Variants in HIVEP2 observed in about 807,000 individuals in gnomAD.
HIVEP2 encodes the protein transcription factor HIVEP2.
In HIVEP2, 14 loss-of-function variants were observed where a neutral mutation model predicts 180.7. That is an observed-to-expected ratio of 0.08 (90% confidence interval 0.05 to 0.12). The LOEUF (loss-of-function observed/expected upper bound fraction) is 0.12, where lower values mean the gene tolerates loss of function less well. Among genes scored for constraint, HIVEP2 ranks in the 10% least tolerant of loss-of-function variants. The pLI is 1.00. For missense variants in HIVEP2, 2,579 were observed against 3,008.5 expected (o/e 0.86, Z 3.34); for synonymous variants, 1,184 against 1,136.4 (o/e 1.04, Z -0.84).
intron 1 of HIVEP2, among the ~76,000 whole-genome samples, chr6:142,904,505 T>A (rs919087256): frequency 1.6e-4 from 25 of 152,176 alleles, no homozygotes; most frequent in Admixed American, 1.3e-3. Flanking sequence ...GTATCAGAGG[T>A]GAATGTGACA....
At position 142,769,910 on chromosome 6, in the gene HIVEP2, C is replaced by G. The variant is rs751452135; in HGVS notation, c.4829G>C (p.Arg1610Pro). 6.2e-7 allele frequency: 1 copy of G among 1,614,030 alleles called. No individual in the cohort carries two copies. The highest frequency in any genetic ancestry group is 1.7e-5 in the Admixed American group (1 of 60,028). ...GHKRPVGMLV[R>P]MASAPSGNVA... ...GTTCCCGCTGGGGGCAGAGGCCATGCGGACCAGCATGCCAACAGGCCGCTT... is the reference window on the plus strand; with the variant it reads ...GTTCCCGCTGGGGGCAGAGGCCATGGGGACCAGCATGCCAACAGGCCGCTT... Residue 1610 changes from arginine (R) to proline (P), a missense_variant, in exon 5 of 10, where the codon CGC (arginine) becomes CCC (proline). Transcript: ENST00000367603.
At chr6:142,803,855 C>A (rs1366489223) in intron 2 of HIVEP2, among the ~76,000 whole-genome samples, 1 of 152,066 alleles carries the variant, frequency 6.6e-6, no homozygotes, top group East Asian at 1.9e-4. Context: ...CTTCACACAC[C>A]CCTGACTCCT....
chr6:142,785,967 A>G (rs184595671), intron 2 of HIVEP2, among the ~76,000 whole-genome samples: 132 of 152,348 alleles, frequency 8.7e-4, no homozygotes, highest in African/African-American at 3.1e-3. Context: ...TATGATATCA[A>G]TTGCAGCGTT....
chr6:142,874,299 C>T (rs1056737129), intron 1 of HIVEP2, among the ~76,000 whole-genome samples: 1 of 152,132 alleles, frequency 6.6e-6, no homozygotes, highest in Non-Finnish European at 1.5e-5. Flanking sequence ...TTTCAAAACA[C>T]CATGATACCA....
chr6:142,842,609 T>C (rs946774517), intron 1 of HIVEP2, among the ~76,000 whole-genome samples: 2 of 152,220 alleles, frequency 1.3e-5, no homozygotes, highest in African/African-American at 2.4e-5. Flanking sequence ...TTCTCCACTT[T>C]CCTGAAGAAC....
intron 1 of HIVEP2, among the ~76,000 whole-genome samples, chr6:142,931,362 TC>T (rs559528836): frequency 1.3e-3 from 197 of 151,992 alleles, no homozygotes; most frequent in African/African-American, 4.6e-3. Flanking sequence ...ATATTCTGTA[TC>T]CCCATTTTTA....
chr6:142,941,637 A>C (rs1778182943), intron 1 of HIVEP2, among the ~76,000 whole-genome samples: 2 of 152,204 alleles, frequency 1.3e-5, no homozygotes, highest in African/African-American at 4.8e-5. Flanking sequence ...TGTATGGTTA[A>C]AGCAAATCCA....
At chr6:142,837,533 A>T (rs1342525512) in intron 1 of HIVEP2, among the ~76,000 whole-genome samples, 1 of 152,084 alleles carries the variant, frequency 6.6e-6, no homozygotes, top group African/African-American at 2.4e-5. Context: ...AAACATAAAA[A>T]TGGTCAAGAA....
intron 2 of HIVEP2, among the ~76,000 whole-genome samples, chr6:142,802,756 C>T (rs1325793748): frequency 2.0e-5 from 3 of 152,030 alleles, no homozygotes; most frequent in Non-Finnish European, 4.4e-5. Flanking sequence ...GAATCATGAA[C>T]AGATAGAATT....
chr6:142,894,130 C>T (rs370830143), intron 1 of HIVEP2, among the ~76,000 whole-genome samples: 41 of 152,248 alleles, frequency 2.7e-4, no homozygotes, highest in African/African-American at 9.4e-4. Context: ...AGTAGAGTTG[C>T]CATTTTAATA....
chr6:142,793,673 T>TTCTTTCTCTCTCTCTCTCTC (rs1289211652), intron 2 of HIVEP2, among the ~76,000 whole-genome samples: 6 of 107,512 alleles, frequency 5.6e-5, no homozygotes, highest in South Asian at 3.0e-4. Context: ...CTTTCTTTCT[T>TTCTTTCTCTCTCTCTCTCTC]TCTCTCTCTC....
At chr6:142,834,961 TC>T (rs1775187788) in intron 2 of HIVEP2, among the ~76,000 whole-genome samples, 1 of 85,580 alleles carries the variant, frequency 1.2e-5, no homozygotes. Flanking sequence ...ATGAAGTCCT[TC>T]CTTACCAAAA....
intron 1 of HIVEP2, among the ~76,000 whole-genome samples, chr6:142,862,577 A>G (rs1776016562): frequency 6.8e-6 from 1 of 146,738 alleles, no homozygotes; most frequent in Non-Finnish European, 1.5e-5. Flanking sequence ...TATGTGTATC[A>G]TATATTTTAT....
chr6:142,936,747 A>C (rs1778066850), intron 1 of HIVEP2, among the ~76,000 whole-genome samples: 1 of 152,154 alleles, frequency 6.6e-6, no homozygotes, highest in South Asian at 2.1e-4. Context: ...TAAACACTGA[A>C]AAGTAATGCA....
chr6:142,931,248 A>G (rs1435751950), intron 1 of HIVEP2, among the ~76,000 whole-genome samples: 3 of 151,864 alleles, frequency 2.0e-5, no homozygotes, highest in Non-Finnish European at 2.9e-5. Context: ...ACTTTATTGT[A>G]TGCGTTTAAA....
At chr6:142,924,800 C>A (rs2128436001) in intron 1 of HIVEP2, among the ~76,000 whole-genome samples, 1 of 152,300 alleles carries the variant, frequency 6.6e-6, no homozygotes, top group South Asian at 2.1e-4. Flanking sequence ...ACTTTTCACA[C>A]TCCATTTTTC....
intron 1 of HIVEP2, among the ~76,000 whole-genome samples, chr6:142,889,153 T>C (rs916023366): frequency 3.3e-5 from 5 of 152,208 alleles, no homozygotes; most frequent in African/African-American, 1.2e-4. Flanking sequence ...GTGGACTGAA[T>C]GACAGGACAC....
intron 1 of HIVEP2, among the ~76,000 whole-genome samples, chr6:142,860,656 C>T (rs1775953346): frequency 6.6e-6 from 1 of 152,154 alleles, no homozygotes; most frequent in Non-Finnish European, 1.5e-5. Context: ...GCGCAGTTCA[C>T]AATAGGGTTC....
At chr6:142,887,940 A>G (rs1776748030) in intron 1 of HIVEP2, among the ~76,000 whole-genome samples, 1 of 148,586 alleles carries the variant, frequency 6.7e-6, no homozygotes, top group African/African-American at 2.5e-5. Flanking sequence ...AGGGGAGGAT[A>G]TAGCAAAGGG....
Sources: allele counts gnomAD v4.1 joint callset (sites outside exome capture counted in the v4.1 genomes callset), GRCh38; gene constraint gnomAD v4.1.1; transcripts MANE v1.5; gene names NCBI Gene and HGNC (gene_info 2026-07-23, HGNC 2026-07-21).